Variants in CHST10 observed in about 807,000 individuals in gnomAD.
CHST10 encodes HNK-1 sulfotransferase.
CHST10 carries 24 observed loss-of-function variants against 34.7 expected under a neutral mutation model. That is an observed-to-expected ratio of 0.69 (90% CI 0.50 to 0.97). The LOEUF (loss-of-function observed/expected upper bound fraction) is 0.97. Ranked by LOEUF, CHST10 falls within the 50% of genes least tolerant of loss-of-function variation. CHST10 has a pLI of 0.00. For synonymous variants in CHST10, 161 were observed against 169.3 expected (o/e 0.95, Z 0.38); for missense variants, 402 against 452.1 (o/e 0.89, Z 1.00).
intron 1 of CHST10, chr2:100,416,155 G>C (rs1047050955): frequency 6.6e-6 from 1 of 152,054 alleles, no homozygotes; most frequent in Admixed American, 6.5e-5. Flanking sequence ...TGAACTCCTG[G>C]GTTTCTGCAA....
At position 100,393,252 on chromosome 2, in the gene CHST10, A is replaced by G; in HGVS notation, c.1064T>C (p.Leu355Pro). The G allele has an allele frequency of 6.2e-7, 1 of 1,614,080 alleles. No individual in the cohort carries two copies. The highest frequency in any genetic ancestry group is 8.5e-7 in the Non-Finnish European group (1 of 1,180,004). The part of the protein sequence containing the change: ...LFGYQKPDFL[L>P]N ...ATTCATAGGTCTTATGCATTAGTTTAGCAAAAAGTCTGGTTTCTGGTACCC... is the reference window on the plus strand; with the variant it reads ...ATTCATAGGTCTTATGCATTAGTTTGGCAAAAAGTCTGGTTTCTGGTACCC... Residue 355 changes from leucine (L) to proline (P), a missense_variant, in exon 7 of 7, where the codon CTA (leucine) becomes CCA (proline). Physicochemically the swap from Leu to Pro is moderately conservative, Grantham distance 98. Transcript: ENST00000264249.
chr2:100,412,318 G>A (rs908359124), intron 2 of CHST10, among the ~76,000 whole-genome samples: 1 of 152,186 alleles, frequency 6.6e-6, no homozygotes, highest in Non-Finnish European at 1.5e-5. Context: ...GGTGTGGTGG[G>A]TTTTGATGAA....
chr2:100,417,628 C>T lies in CHST10; in HGVS notation c.-358G>A, dbSNP rs1676125066. The T allele has an allele frequency of 6.6e-6, 1 of 150,976 alleles. No homozygotes were observed. The highest frequency in any genetic ancestry group is 2.4e-5 in the African/African-American group (1 of 41,304). The allele number at this position is 150,976 out of a possible 1,614,324, so 9.4% of individuals were successfully genotyped here. A position where few individuals can be genotyped will look rare whatever the true frequency, so the allele number is the denominator to read the frequency against. On this transcript the variant is annotated 5_prime_UTR_variant, in exon 1 of 7. Coordinates refer to ENST00000264249, the MANE Select transcript of CHST10 (RefSeq NM_004854.5). ...GGGGGCCAGAACGCCGGCACCGCCT[C>T]ACGCGGCCCCCTCGCGCCTATCCGG...
chr2:100,399,127 G>A (rs1412376573), intron 4 of CHST10, among the ~76,000 whole-genome samples: 5 of 150,248 alleles, frequency 3.3e-5, no homozygotes, highest in Non-Finnish European at 7.4e-5. Context: ...TTTATGAGAC[G>A]GAGTCTCGTT....
chr2:100,415,112 C>A lies in CHST10; in HGVS notation c.-103-1G>T. 1.6e-6 allele frequency: 2 copies of A among 1,288,666 alleles called. No homozygotes were observed. The highest frequency in any genetic ancestry group is 1.3e-5 in the South Asian group (1 of 78,014). 79.8% of individuals were successfully genotyped at this position (1,288,666 alleles called of 1,614,324 possible). On this transcript the variant is annotated splice_acceptor_variant, in intron 1 of 6. Coordinates refer to ENST00000264249, the MANE Select transcript of CHST10 (RefSeq NM_004854.5). LOFTEE classifies it low-confidence loss of function (5UTR_SPLICE). ...CTGAGGTTCTTGGTTCCTCTTGTCA[C>A]TGGATAGGAAAATTAAAAAAAAAAA...
chr2:100,417,166 C>A lies in CHST10; in HGVS notation c.-104+208G>T, dbSNP rs1329335831. ...ATTCCGCGGGTCACAGCATCCCGCA[C>A]AAGGACGCCTTCTTATTGCATAATT... On this transcript the variant is annotated intron_variant, in intron 1 of 6. Transcript: ENST00000264249. 45 of 764,038 alleles carry A rather than the reference C, an allele frequency of 5.9e-5. No homozygotes were observed. The Admixed American group carries it at 9.6e-4, about 16-fold the overall frequency. The allele number at this position is 764,038 out of a possible 1,614,324, so 47.3% of individuals were successfully genotyped here.
rs373261971 is a variant in CHST10, at chr2:100,393,404, T to G, written c.912A>C (p.Ser304=). 35 of 1,614,176 alleles carry G rather than the reference T, an allele frequency of 2.2e-5. No individual in the cohort carries two copies. In the African/African-American group the frequency reaches 2.5e-4, roughly 12 times the overall value. The change falls in exon 7 of 7, where the codon TCA becomes TCC. Residue 304 remains serine, a synonymous_variant. Transcript: ENST00000264249. ...TAATGCCCGGAGGGATAGTCGGGTA[T>G]GACACCAGGTGGTCAATGCCAGCCT... ...LKEAGIDHLV[S]YPTIPPGITV... is the part of the protein sequence containing the mutation.
At chr2:100,417,031 C>A in intron 1 of CHST10, 1 of 1,304,366 alleles carries the variant, frequency 7.7e-7, no homozygotes, top group Middle Eastern at 2.1e-4. Flanking sequence ...CCTCTGCATG[C>A]TCCTTGGACC....
intron 1 of CHST10, chr2:100,416,811 G>A (rs1201228288): frequency 2.2e-6 from 1 of 445,648 alleles, no homozygotes. Flanking sequence ...TTGCAGACTT[G>A]GAAAGCAAAA....
At chr2:100,415,415 T>C (rs559246124) in intron 1 of CHST10, among the ~76,000 whole-genome samples, 3 of 152,330 alleles carry the variant, frequency 2.0e-5, no homozygotes, top group African/African-American at 7.2e-5. Context: ...ATGTTTGAAA[T>C]AGTTATAGGA....
intron 3 of CHST10, among the ~76,000 whole-genome samples, chr2:100,405,746 T>C (rs1675541935): frequency 6.6e-6 from 1 of 152,214 alleles, no homozygotes; most frequent in African/African-American, 2.4e-5. Flanking sequence ...CCTAAAGGAA[T>C]GGGCCAATCC....
At chr2:100,402,868 C>A (rs1675406295) in intron 3 of CHST10, among the ~76,000 whole-genome samples, 1 of 152,212 alleles carries the variant, frequency 6.6e-6, no homozygotes. Flanking sequence ...TTGATCCAAA[C>A]CTCACCCCTT....
chr2:100,392,956 T>C lies in CHST10; in HGVS notation c.*289A>G. 7.2e-6 allele frequency: 3 copies of C among 414,372 alleles called. No homozygotes were observed. Among genetic ancestry groups the C allele is most frequent in the South Asian group, 6.2e-5 (2 of 32,270 alleles). The allele number at this position is 414,372 out of a possible 1,614,324, so 25.7% of individuals were successfully genotyped here. On this transcript the variant is annotated 3_prime_UTR_variant, in exon 7 of 7. Coordinates refer to ENST00000264249, the MANE Select transcript of CHST10 (RefSeq NM_004854.5). ...GTGTGATGCTTCCTCCCTGCTGGGC[T>C]GTCAAACTGCAAATCTTTAGCCTTT... is the stretch of plus-strand genomic sequence containing the variant.
At chr2:100,410,483 A>C (rs190610038) in intron 2 of CHST10, among the ~76,000 whole-genome samples, 37 of 152,310 alleles carry the variant, frequency 2.4e-4, no homozygotes, top group Middle Eastern at 3.4e-3. Flanking sequence ...ATGAGCCAAC[A>C]ATTGCTATTT....
chr2:100,400,164 C>T (rs1675271639), intron 4 of CHST10, among the ~76,000 whole-genome samples: 1 of 152,222 alleles, frequency 6.6e-6, no homozygotes, highest in Non-Finnish European at 1.5e-5. Context: ...GAAAACTCTG[C>T]ACTTTTAGAT....
At chr2:100,403,129 C>A (rs921923370) in intron 3 of CHST10, among the ~76,000 whole-genome samples, 2 of 152,164 alleles carry the variant, frequency 1.3e-5, no homozygotes, top group South Asian at 2.1e-4. Context: ...AAAATAGGTA[C>A]GATACACCCA....
chr2:100,411,120 T>TC (rs201951849), intron 2 of CHST10, among the ~76,000 whole-genome samples: 5 of 148,656 alleles, frequency 3.4e-5, no homozygotes, highest in African/African-American at 5.0e-5. Flanking sequence ...TTTTTTCTTT[T>TC]TTTTTTTTTT....
At chr2:100,401,042 G>A (rs1675317469) in intron 4 of CHST10, among the ~76,000 whole-genome samples, 1 of 152,230 alleles carries the variant, frequency 6.6e-6, no homozygotes, top group African/African-American at 2.4e-5. Flanking sequence ...CCTTTCTTGT[G>A]AGAAGACACA....
intron 3 of CHST10, among the ~76,000 whole-genome samples, chr2:100,406,295 G>T (rs1478394220): frequency 2.0e-5 from 3 of 152,316 alleles, no homozygotes; most frequent in Non-Finnish European, 4.4e-5. Context: ...CTGCTGGGAG[G>T]AGACCCTGCT....
Sources: gnomAD v4.1 joint callset for allele counts (sites outside exome capture counted in the v4.1 genomes callset) on GRCh38, gnomAD v4.1.1 for gene constraint, MANE v1.5 for transcripts, NCBI Gene and HGNC (gene_info 2026-07-23, HGNC 2026-07-21) for gene names.